Variants in PPEF1 observed in about 807,000 individuals in gnomAD.
PPEF1 encodes serine/threonine-protein phosphatase with EF-hands 1.
A neutral mutation model predicts 53.3 loss-of-function variants in PPEF1; 12 were observed. The ratio of observed to expected loss-of-function variants is 0.23; its 90% confidence interval spans 0.14 to 0.36. The LOEUF is 0.36. Ranked by LOEUF, PPEF1 falls within the 10% of genes least tolerant of loss-of-function variation. PPEF1 has a pLI of 1.00. For missense variants in PPEF1, 334 were observed against 490.4 expected (o/e 0.68, Z 3.01); for synonymous variants, 165 against 176.7 (o/e 0.93, Z 0.52).
intron 3 of PPEF1, among the ~76,000 whole-genome samples, chrX:18,734,176 A>C (rs957125525): frequency 1.8e-5 from 2 of 109,177 alleles, no homozygotes; most frequent in African/African-American, 6.7e-5. Flanking sequence ...CATGTGATCA[A>C]CGTGCAGGTT....
intron 4 of PPEF1, among the ~76,000 whole-genome samples, chrX:18,693,724 G>A (rs746204318): frequency 2.7e-5 from 3 of 111,526 alleles, no homozygotes; most frequent in Non-Finnish European, 3.8e-5. Flanking sequence ...CTGCCACCAC[G>A]CCTGGCTAAT....
Position 18,771,045 on chromosome X carries a change from C to T in PPEF1, c.559-7965C>T, listed in dbSNP as rs766810380. Among the ~76,000 whole-genome samples the T allele has an allele frequency of 3.6e-5, 4 of 112,207 alleles. No individual in the cohort carries two copies. The Admixed American group carries it at 3.8e-4, about 11-fold the overall frequency. ...TTAAGTCACATTAAAACTATTTGCTCATGAAAATTAAAATAGAGTTCTGCT... is the reference window on the plus strand; with the variant it reads ...TTAAGTCACATTAAAACTATTTGCTTATGAAAATTAAAATAGAGTTCTGCT... On this transcript the variant is annotated intron_variant, in intron 6 of 15. Coordinates refer to ENST00000470157, the MANE Select transcript of PPEF1 (RefSeq NM_001377996.1).
chrX:18,742,135 A>G (rs1287929201), intron 3 of PPEF1, among the ~76,000 whole-genome samples: 2 of 111,141 alleles, frequency 1.8e-5, no homozygotes, highest in Non-Finnish European at 3.8e-5. Flanking sequence ...TACATTTGTA[A>G]GAATCATCCT....
chrX:18,738,773 C>G (rs144305623), intron 3 of PPEF1, among the ~76,000 whole-genome samples: 56 of 98,890 alleles, frequency 5.7e-4, no homozygotes, highest in Middle Eastern at 5.2e-3. Flanking sequence ...CAATCAGATG[C>G]AGATTTAGTC....
chrX:18,809,704 C>CA (rs61305573), intron 12 of PPEF1, among the ~76,000 whole-genome samples: 4,176 of 86,362 alleles, frequency 0.048, 133 homozygotes, highest in African/African-American at 0.11. Flanking sequence ...GACCCTGTCT[C>CA]AAAAAAAAAA....
chrX:18,781,894 C>T (rs762636397), intron 7 of PPEF1, among the ~76,000 whole-genome samples: 9 of 110,881 alleles, frequency 8.1e-5, no homozygotes, highest in African/African-American at 3.0e-4. Flanking sequence ...GCATAACAAG[C>T]CAACTTGTTA....
At chrX:18,730,367 T>C (rs2044808971) in intron 2 of PPEF1, 59 bp downstream of exon 2, 4 of 1,155,777 alleles carry the variant, frequency 3.5e-6, no homozygotes, top group Admixed American at 2.4e-5. Context: ...CCCCTTGTTA[T>C]TGAAAGAATG....
intron 1 of PPEF1, among the ~76,000 whole-genome samples, chrX:18,720,401 G>C (rs1428444470): frequency 9.0e-6 from 1 of 111,432 alleles, no homozygotes; most frequent in Admixed American, 9.6e-5. Context: ...AGACCAGCCT[G>C]GCCAACGTGA....
upstream of PPEF1, among the ~76,000 whole-genome samples, chrX:18,675,757 C>T (rs986160013): frequency 8.9e-6 from 1 of 112,017 alleles, no homozygotes; most frequent in Non-Finnish European, 1.9e-5. Context: ...GCAGAGTATT[C>T]AACCTGGTGC....
intron 6 of PPEF1, among the ~76,000 whole-genome samples, chrX:18,766,076 A>G (rs1187432453): frequency 2.8e-5 from 3 of 107,874 alleles, no homozygotes; most frequent in East Asian, 5.7e-4. Flanking sequence ...AAAAAAAAAA[A>G]AAAAAAAAGA....
chrX:18,700,538 A>G (rs766184188), intron 6 of PPEF1: 21 of 110,835 alleles, frequency 1.9e-4, no homozygotes, highest in Non-Finnish European at 3.0e-4. Flanking sequence ...TCCTTGGAGT[A>G]TATCTTACTG....
chrX:18,776,209 GTGGTTGGT>G (rs564617999), intron 6 of PPEF1, among the ~76,000 whole-genome samples: 18 of 103,588 alleles, frequency 1.7e-4, no homozygotes, highest in Admixed American at 1.4e-3. Context: ...CCCTTTCTTT[GTGGTTGGT>G]TGGTTGGTTG....
In PPEF1 at chrX:18,694,967, C is replaced by T. The variant is rs145943481; in HGVS notation, c.-312-2878C>T. Among the ~76,000 whole-genome samples, 139 of 111,465 alleles carry T rather than the reference C, an allele frequency of 1.2e-3. 1 individual carries two copies. Among genetic ancestry groups the T allele is most frequent in the African/African-American group, 4.4e-3 (134 of 30,703 alleles). ...TGTTTATTGCTGTGGGACAGATTAC[C>T]AAAAAATCTAGTGGCTTAAAACAAC... On this transcript the variant is annotated intron_variant, in intron 4 of 21. Transcript: ENST00000361511.
intron 4 of PPEF1, among the ~76,000 whole-genome samples, chrX:18,757,008 G>A (rs2045561533): frequency 1.8e-5 from 2 of 110,946 alleles, no homozygotes; most frequent in Admixed American, 9.6e-5. Context: ...CCAGGAGTTC[G>A]AGACCAGCCT....
At chrX:18,701,300 AC>A (rs1930102455) in intron 6 of PPEF1, among the ~76,000 whole-genome samples, 1 of 112,254 alleles carries the variant, frequency 8.9e-6, no homozygotes, top group Admixed American at 9.4e-5. Context: ...ACCTGTAGGT[AC>A]CCAAAGGGTT....
chrX:18,675,210 TATC>T (rs763223507), upstream of PPEF1, among the ~76,000 whole-genome samples: 25 of 113,297 alleles, frequency 2.2e-4, no homozygotes, highest in East Asian at 5.6e-3. Flanking sequence ...ACCTCCCTGC[TATC>T]ATCTGTCCCC....
At chrX:18,743,527 G>A (rs1253907972) in intron 3 of PPEF1, among the ~76,000 whole-genome samples, 1 of 94,079 alleles carries the variant, frequency 1.1e-5, no homozygotes, top group East Asian at 3.3e-4. Context: ...TCGGCTCACT[G>A]CAACCTCTGC....
At chrX:18,794,001 A>T (rs991939371) in intron 10 of PPEF1, among the ~76,000 whole-genome samples, 1 of 111,582 alleles carries the variant, frequency 9.0e-6, no homozygotes, top group Non-Finnish European at 1.9e-5. Context: ...CTCTCCTTTA[A>T]GCTTCGGACC....
intron 3 of PPEF1, among the ~76,000 whole-genome samples, chrX:18,747,820 C>A (rs1458162871): frequency 1.8e-5 from 2 of 112,096 alleles, no homozygotes; most frequent in Non-Finnish European, 3.8e-5. Flanking sequence ...AGAAAATAAC[C>A]TTTATAATTC....
Sources: gnomAD v4.1 joint callset for allele counts (sites outside exome capture counted in the v4.1 genomes callset) on GRCh38, gnomAD v4.1.1 for gene constraint, MANE v1.5 for transcripts, NCBI Gene and HGNC (gene_info 2026-07-23, HGNC 2026-07-21) for gene names.